The following RBMS3 variants were observed in gnomAD, a reference collection of about 807,000 sequenced individuals.
RBMS3 encodes the protein RNA binding motif single stranded interacting protein 3.
In RBMS3, 27 loss-of-function variants were observed where a neutral mutation model predicts 66.8. The ratio of observed to expected loss-of-function variants is 0.40; its 90% CI spans 0.30 to 0.56. RBMS3 has a LOEUF of 0.56. RBMS3 is among the 20% of genes least tolerant of loss of function. The pLI, the probability that RBMS3 is intolerant of heterozygous loss-of-function variation, is 0.40. For missense variants in RBMS3, 513 were observed against 549.5 expected (o/e 0.93, Z 0.66); for synonymous variants, 188 against 183.0 (o/e 1.03, Z -0.22).
intron 4 of RBMS3, among the ~76,000 whole-genome samples, chr3:29,619,410 A>C (rs2048789328): frequency 2.6e-5 from 4 of 152,230 alleles, no homozygotes; most frequent in Admixed American, 2.6e-4. Context: ...TCACAATGAT[A>C]GGCATGATAG....
chr3:29,369,522 ACACACACACACT>A lies in RBMS3; in HGVS notation c.76-65220_76-65209del, dbSNP rs1360821419. Among the ~76,000 whole-genome samples the A allele has an allele frequency of 3.5e-3, 479 of 137,240 alleles. 2 individuals are homozygous for A. Among genetic ancestry groups the A allele is most frequent in the African/African-American group, 0.012 (431 of 35,936 alleles). The allele number at this position is 137,240 out of a possible 152,430, so 90.0% of individuals were successfully genotyped here. A position where few individuals can be genotyped will look rare whatever the true frequency, so the allele number is the denominator to read the frequency against. On this transcript the variant is annotated intron_variant, in intron 1 of 14. Coordinates refer to ENST00000383767, the MANE Select transcript of RBMS3 (RefSeq NM_001003793.3). ...CACACACACACACACACACACACAC[ACACACACACACT>A]TTGAGTGAGGGTGAGGAGGAGAGAG... is the stretch of plus-strand genomic sequence containing the variant.
At chr3:29,984,834 G>A (rs893856189) in intron 12 of RBMS3, among the ~76,000 whole-genome samples, 7 of 152,166 alleles carry the variant, frequency 4.6e-5, no homozygotes, top group African/African-American at 1.7e-4. Context: ...GTGTCTGCCA[G>A]TCAGGAGGCA....
chr3:29,537,611 T>G (rs1319403305), intron 3 of RBMS3: 1 of 151,876 alleles, frequency 6.6e-6, no homozygotes. Flanking sequence ...GATCACAAGG[T>G]CAGGAGACCG....
chr3:29,819,106 G>C (rs1351586584), intron 6 of RBMS3, among the ~76,000 whole-genome samples: 1 of 152,176 alleles, frequency 6.6e-6, no homozygotes, highest in East Asian at 1.9e-4. Flanking sequence ...ATGATGTTAA[G>C]TGAAACATCA....
intron 4 of RBMS3, among the ~76,000 whole-genome samples, chr3:29,707,649 A>G (rs2052967183): frequency 6.6e-6 from 1 of 152,208 alleles, no homozygotes; most frequent in African/African-American, 2.4e-5. Context: ...TATCCTCTCA[A>G]AACCACAAAA....
At chr3:29,755,483 G>A (rs2055368813) in intron 5 of RBMS3, among the ~76,000 whole-genome samples, 1 of 152,182 alleles carries the variant, frequency 6.6e-6, no homozygotes, top group African/African-American at 2.4e-5. Context: ...GAAAATTAAG[G>A]AGTATTTACC....
chr3:29,826,186 T>G (rs79178885), intron 6 of RBMS3, among the ~76,000 whole-genome samples: 3,774 of 152,280 alleles, frequency 0.025, 73 homozygotes, highest in East Asian at 0.13. Context: ...TATAGATATT[T>G]TAATTTGCAT....
At chr3:29,814,399 A>G (rs1553676699) in intron 6 of RBMS3, among the ~76,000 whole-genome samples, 1 of 151,920 alleles carries the variant, frequency 6.6e-6, no homozygotes, top group Non-Finnish European at 1.5e-5. Context: ...TTTATTGAGG[A>G]TTTTTGCATC....
At chr3:29,860,957 C>G (rs12629866) in intron 6 of RBMS3, among the ~76,000 whole-genome samples, 2 of 152,106 alleles carry the variant, frequency 1.3e-5, no homozygotes, top group Non-Finnish European at 1.5e-5. Flanking sequence ...TCCGCCTCCC[C>G]GGTTCACGCC....
At chr3:29,367,111 G>A (rs181555759) in intron 1 of RBMS3, among the ~76,000 whole-genome samples, 127 of 152,168 alleles carry the variant, frequency 8.3e-4, no homozygotes, top group Admixed American at 1.6e-3. Flanking sequence ...TGAATATACA[G>A]TATTTATGGA....
chr3:29,613,527 A>G (rs1307465551), intron 4 of RBMS3, among the ~76,000 whole-genome samples: 1 of 152,164 alleles, frequency 6.6e-6, no homozygotes, highest in Non-Finnish European at 1.5e-5. Context: ...GTCTTTTGAG[A>G]AATGCCTTGT....
rs572540404 is a variant in RBMS3 at position 29,738,072 on chromosome 3, C to G, written c.400-1648C>G. 1.1e-4 allele frequency among the ~76,000 whole-genome samples: 16 copies of G among 152,004 alleles called. No homozygotes were observed. In the South Asian group the frequency reaches 3.3e-3, roughly 32 times the overall value. On this transcript the variant is annotated intron_variant, in intron 4 of 14. Transcript: ENST00000383767. Reference sequence around the variant, plus strand: ...AAACTAATAATACATCATATTCACTCCAAGTTTTAATAAAAATATCACAAT... The same window carrying G: ...AAACTAATAATACATCATATTCACTGCAAGTTTTAATAAAAATATCACAAT...
At chr3:29,962,011 ATTT>A (rs1019349254) in intron 12 of RBMS3, among the ~76,000 whole-genome samples, 9 of 145,294 alleles carry the variant, frequency 6.2e-5, no homozygotes, top group Non-Finnish European at 1.4e-4. Context: ...TATATTATAT[ATTT>A]TTATATATAT....
At chr3:29,318,916 G>A (rs1370380198) in intron 1 of RBMS3, among the ~76,000 whole-genome samples, 1 of 151,948 alleles carries the variant, frequency 6.6e-6, no homozygotes, top group African/African-American at 2.4e-5. Flanking sequence ...AAATACCCTA[G>A]AGGAAACAAT....
intron 6 of RBMS3, among the ~76,000 whole-genome samples, chr3:29,857,428 T>G (rs1464963770): frequency 1.3e-5 from 2 of 150,762 alleles, no homozygotes; most frequent in Non-Finnish European, 3.0e-5. Context: ...TAACATGAGT[T>G]TCACTTGAAA....
At chr3:29,725,156 A>T (rs2053806477) in intron 4 of RBMS3, among the ~76,000 whole-genome samples, 1 of 152,224 alleles carries the variant, frequency 6.6e-6, no homozygotes, top group Non-Finnish European at 1.5e-5. Context: ...ACTGAATCAC[A>T]AGACTCCTGT....
chr3:29,996,223 C>T (rs1699229502), intron 14 of RBMS3, among the ~76,000 whole-genome samples: 2 of 151,314 alleles, frequency 1.3e-5, no homozygotes, highest in Non-Finnish European at 3.0e-5. Flanking sequence ...GCTAACTATC[C>T]TAAATATATA....
Position 29,685,204 on chromosome 3 carries a change from G to T in RBMS3, c.400-54516G>T, listed in dbSNP as rs1395645624. Among the ~76,000 whole-genome samples the T allele has an allele frequency of 3.3e-5, 5 of 151,978 alleles. No homozygotes were observed. In the East Asian group the frequency reaches 9.7e-4, roughly 30 times the overall value. On this transcript the variant is annotated intron_variant, in intron 4 of 14. Coordinates refer to ENST00000383767, the MANE Select transcript of RBMS3 (RefSeq NM_001003793.3). ...CTCCCGAGTAGCTGGGACTACAGGC[G>T]CCCGCCACCACGCCCAGCTAATTTT... is the stretch of plus-strand genomic sequence containing the variant.
intron 1 of RBMS3, among the ~76,000 whole-genome samples, chr3:29,421,123 A>C (rs1450978375): frequency 6.9e-6 from 1 of 145,570 alleles, no homozygotes; most frequent in South Asian, 2.2e-4. Flanking sequence ...TAAAGAAAAA[A>C]AAAAAGAAAA....
Sources: gnomAD v4.1 joint callset for allele counts (sites outside exome capture counted in the v4.1 genomes callset) on GRCh38, gnomAD v4.1.1 for gene constraint, MANE v1.5 for transcripts, NCBI Gene and HGNC (gene_info 2026-07-23, HGNC 2026-07-21) for gene names.